The following SPON1 variants were observed in gnomAD, a reference collection of about 807,000 sequenced individuals.
SPON1 encodes spondin-1.
In SPON1, 52 loss-of-function variants were observed where a neutral mutation model predicts 111.7. The observed-to-expected ratio is 0.47, with a 90% confidence interval of 0.37 to 0.59. The LOEUF is 0.59. Among genes scored for constraint, SPON1 ranks in the 20% least tolerant of loss-of-function variants. The pLI, the probability that SPON1 is intolerant of heterozygous loss-of-function variation, is 0.00. For missense variants in SPON1, 957 were observed against 1,068.5 expected, an observed-to-expected ratio of 0.90 and a Z score of 1.46; for synonymous variants, 410 against 395.8, an observed-to-expected ratio of 1.04 and a Z score of -0.43.
intron 5 of SPON1, among the ~76,000 whole-genome samples, chr11:14,083,279 TTAGATTCAAAA>T (rs1848978256): frequency 6.6e-6 from 1 of 152,214 alleles, no homozygotes; most frequent in Non-Finnish European, 1.5e-5. Context: ...TGCATTCAAC[TTAGATTCAAAA>T]TAGATTCAAA....
chr11:14,041,609 T>C lies in SPON1; in HGVS notation c.434T>C (p.Val145Ala). 6.2e-7 allele frequency: 1 copy of C among 1,613,780 alleles called. No homozygotes were observed. Among genetic ancestry groups the C allele is most frequent in the Non-Finnish European group, 8.5e-7 (1 of 1,179,848 alleles). Reference protein sequence around the residue: ...STPRRRTRIQVFWIAPPAGTG... With the variant: ...STPRRRTRIQAFWIAPPAGTG... Reference sequence around the variant, plus strand: ...CCACGGAGGAGGACCCGGATCCAGGTGTTTTGGATAGCACCACCAGCGGGA... The same window carrying C: ...CCACGGAGGAGGACCCGGATCCAGGCGTTTTGGATAGCACCACCAGCGGGA... Residue 145 changes from valine (V) to alanine (A), a missense_variant, in exon 3 of 16, where the codon GTG (valine) becomes GCG (alanine). Around this residue, in one of 5 missense-constraint regions of SPON1, gnomAD observed 262 missense variants for 253.9 expected, o/e 1.03. Coordinates refer to ENST00000576479, the MANE Select transcript of SPON1 (RefSeq NM_006108.4).
intron 6 of SPON1, among the ~76,000 whole-genome samples, chr11:14,169,526 G>T (rs1431759955): frequency 3.3e-5 from 5 of 151,500 alleles, no homozygotes; most frequent in African/African-American, 7.3e-5. Context: ...GTCAATTTTG[G>T]CTTTTGTTGC....
chr11:14,240,223 T>A (rs1244598076), intron 6 of SPON1, among the ~76,000 whole-genome samples: 1 of 152,238 alleles, frequency 6.6e-6, no homozygotes, highest in Admixed American at 6.5e-5. Context: ...GATATGGCCA[T>A]GAATGAGCAA....
At chr11:14,196,919 G>A (rs1447853968) in intron 6 of SPON1, among the ~76,000 whole-genome samples, 1 of 152,118 alleles carries the variant, frequency 6.6e-6, no homozygotes, top group Non-Finnish European at 1.5e-5. Flanking sequence ...ATGTAGTGGT[G>A]CATGCCTTTA....
At chr11:14,071,776 A>G (rs1366122278) in intron 3 of SPON1, among the ~76,000 whole-genome samples, 2 of 152,004 alleles carry the variant, frequency 1.3e-5, no homozygotes, top group African/African-American at 4.8e-5. Flanking sequence ...CAGTGGTGCA[A>G]TCTCAGCTCA....
intron 5 of SPON1, among the ~76,000 whole-genome samples, chr11:14,132,750 A>C (rs1175667508): frequency 1.3e-5 from 2 of 152,124 alleles, no homozygotes; most frequent in Non-Finnish European, 2.9e-5. Context: ...CTTATCATAC[A>C]TATTTCTTAT....
At chr11:14,158,832 G>T (rs1554930631) in intron 6 of SPON1, among the ~76,000 whole-genome samples, 1 of 151,998 alleles carries the variant, frequency 6.6e-6, no homozygotes, top group Non-Finnish European at 1.5e-5. Flanking sequence ...TAAGTACTTG[G>T]GTTCTGTCTC....
intron 4 of SPON1, among the ~76,000 whole-genome samples, chr11:14,075,765 T>G (rs752483223): frequency 2.6e-5 from 4 of 152,228 alleles, no homozygotes; most frequent in Non-Finnish European, 4.4e-5. Context: ...AAGTCTGTAA[T>G]GGTTCTTTGG....
intron 3 of SPON1, among the ~76,000 whole-genome samples, chr11:14,050,798 G>T (rs181495110): frequency 6.6e-6 from 1 of 152,134 alleles, no homozygotes; most frequent in Non-Finnish European, 1.5e-5. Context: ...AGGGTAAACC[G>T]GGGAAGCCAC....
intron 3 of SPON1, among the ~76,000 whole-genome samples, chr11:14,057,776 C>T (rs1848755748): frequency 6.9e-6 from 1 of 145,650 alleles, no homozygotes; most frequent in Non-Finnish European, 1.5e-5. Context: ...TGGAAGATTG[C>T]TTGAACCCAG....
At chr11:14,161,132 A>ATATATATCTATATATCTATATATTT (rs1564920024) in intron 6 of SPON1, among the ~76,000 whole-genome samples, 4 of 37,508 alleles carry the variant, frequency 1.1e-4, no homozygotes, top group African/African-American at 4.3e-4. Flanking sequence ...TATATATTTT[A>ATATATATCTATATATCTATATATTT]TATATATCTA....
chr11:14,024,018 G>A (rs1001699384), intron 2 of SPON1, among the ~76,000 whole-genome samples: 3 of 128,008 alleles, frequency 2.3e-5, no homozygotes, highest in African/African-American at 8.7e-5. Flanking sequence ...AAAAAAAAAA[G>A]ACTGGAAGGA....
chr11:14,213,109 G>A (rs1345548686), intron 6 of SPON1, among the ~76,000 whole-genome samples: 2 of 152,216 alleles, frequency 1.3e-5, no homozygotes, highest in Non-Finnish European at 2.9e-5. Flanking sequence ...CCTGGAAACA[G>A]AGATGCTGAC....
chr11:13,996,064 C>G (rs1448799034), intron 2 of SPON1, among the ~76,000 whole-genome samples: 2 of 152,036 alleles, frequency 1.3e-5, no homozygotes, highest in African/African-American at 4.8e-5. Flanking sequence ...GAAGACCACT[C>G]TATTTTTGCC....
intron 15 of SPON1, among the ~76,000 whole-genome samples, chr11:14,264,120 C>CAAGT (rs1312626977): frequency 5.9e-4 from 90 of 151,684 alleles, no homozygotes; most frequent in African/African-American, 2.1e-3. Context: ...ATGATAGGTC[C>CAAGT]AAGTGATAGG....
chr11:14,001,548 CTTTTCTGAAGACCACACA>C (rs1182565500), intron 2 of SPON1, among the ~76,000 whole-genome samples: 1 of 152,178 alleles, frequency 6.6e-6, no homozygotes, highest in Non-Finnish European at 1.5e-5. Context: ...GGCTAAGAAA[CTTTTCTGAAGACCACACA>C]CAAAGATTCT....
Position 14,107,831 on chromosome 11 carries a change from C to T in SPON1, c.677-27589C>T, listed in dbSNP as rs555455111. The stretch of plus-strand genomic sequence containing the variant: ...CCAGAAAAGAGTAGCCAATGGTCAG[C>T]ACTCCGCTGAGAGGCAATACATATT... On this transcript the variant is annotated intron_variant, in intron 5 of 15. Transcript: ENST00000576479. Among the ~76,000 whole-genome samples the T allele has an allele frequency of 2.0e-5, 3 of 152,210 alleles. No individual in the cohort carries two copies. The South Asian group carries it at 6.2e-4, about 32-fold the overall frequency.
intron 6 of SPON1, among the ~76,000 whole-genome samples, chr11:14,171,103 A>G (rs1848093779): frequency 6.6e-6 from 1 of 152,114 alleles, no homozygotes; most frequent in African/African-American, 2.4e-5. Flanking sequence ...GGTAGAATTC[A>G]GCTGTGAATC....
intron 5 of SPON1, among the ~76,000 whole-genome samples, chr11:14,127,396 C>G (rs1554927105): frequency 6.6e-6 from 1 of 152,178 alleles, no homozygotes; most frequent in Non-Finnish European, 1.5e-5. Context: ...CTCCTGGCCC[C>G]TTGTCCCCAT....
Sources: gnomAD v4.1 joint callset for allele counts (sites outside exome capture counted in the v4.1 genomes callset) on GRCh38, gnomAD v4.1.1 for gene constraint, gnomAD v4.1.1 regional missense constraint, MANE v1.5 for transcripts, NCBI Gene and HGNC (gene_info 2026-07-23, HGNC 2026-07-21) for gene names.